CHD4: variants seen among roughly 807,000 people sequenced by gnomAD.
CHD4 encodes the protein chromodomain helicase DNA binding protein 4, also known as ATP-dependent chromatin remodeler CHD4.
A neutral mutation model predicts 235.5 loss-of-function variants in CHD4; 35 were observed. The ratio of observed to expected loss-of-function variants is 0.15; its 90% CI spans 0.11 to 0.20. The LOEUF is 0.20. Among genes scored for constraint, CHD4 ranks in the 10% least tolerant of loss-of-function variants. The pLI, the probability that CHD4 is intolerant of heterozygous loss-of-function variation, is 1.00. For synonymous variants in CHD4, 900 were observed against 850.2 expected, an observed-to-expected ratio of 1.06 and a Z score of -1.02; for missense variants, 1,329 against 2,432.3, an observed-to-expected ratio of 0.55 and a Z score of 9.54.
At chr12:6,594,153 T>C (rs948683564) in intron 15 of CHD4, among the ~76,000 whole-genome samples, 2 of 152,056 alleles carry the variant, frequency 1.3e-5, no homozygotes, top group Non-Finnish European at 2.9e-5. Flanking sequence ...CCATACTAAT[T>C]CTACTCATAA....
rs887048991 is a variant in CHD4 at position 6,570,986 on chromosome 12, C to T, written c.5604G>A (p.Val1868=). 1 of 1,614,146 alleles carries T rather than the reference C, an allele frequency of 6.2e-7. No homozygotes were observed. Among genetic ancestry groups the T allele is most frequent in the African/African-American group, 1.3e-5 (1 of 75,010 alleles). The change falls in exon 39 of 40, where the codon GTG becomes GTA. Residue 1868 remains valine, a synonymous_variant. Transcript: ENST00000544040. ...GGGCAATGGTAGCTGGGAGTCGAGTCACATCAGCTTTCATGTCACTCAGCA... is the reference window on the plus strand; with the variant it reads ...GGGCAATGGTAGCTGGGAGTCGAGTTACATCAGCTTTCATGTCACTCAGCA... The part of the protein sequence containing the change: ...EELLSDMKAD[V]TRLPATIARI...
intron 35 of CHD4, 128 bp from the exon 36 acceptor site, chr12:6,578,265 C>A: frequency 7.3e-7 from 1 of 1,364,606 alleles, no homozygotes. Context: ...TTGCTTCTGG[C>A]TTTCTCCACA....
At chr12:6,574,080 G>A (rs982746043) in intron 37 of CHD4, among the ~76,000 whole-genome samples, 2 of 151,848 alleles carry the variant, frequency 1.3e-5, no homozygotes, top group Non-Finnish European at 2.9e-5. Context: ...TCCTCTTATC[G>A]CCATCTCACT....
At position 6,600,632 on chromosome 12, in the gene CHD4, T is replaced by A. The variant is rs770766385; in HGVS notation, c.965A>T (p.Asp322Val). ...AGAATAGCTATTGATACTGGCATCA[T>A]CGAAGTCAGATTCCACATCTAAGTC... is the stretch of plus-strand genomic sequence containing the variant. ...DDDLDVESDF[D>V]DASINSYSVS... Residue 322 changes from aspartate (D) to valine (V), a missense_variant, in exon 8 of 40, where the codon GAT becomes GTT. Physicochemically the swap from Asp to Val is radical, Grantham distance 152 (BLOSUM62 -3). Around this residue, in one of 26 missense-constraint regions of CHD4, gnomAD observed 160 missense variants for 196.6 expected, o/e 0.81. Transcript: ENST00000544040. The A allele has an allele frequency of 6.2e-7, 1 of 1,614,070 alleles. No homozygotes were observed. The highest frequency in any genetic ancestry group is 8.5e-7 in the Non-Finnish European group (1 of 1,180,004).
Position 6,593,311 on chromosome 12 carries a change from T to C in CHD4, c.2515-83A>G. On this transcript the variant is annotated intron_variant, in intron 16 of 39. Transcript: ENST00000544040. This position sits in a 1 kb window ranked among gnomAD's most constrained non-coding sequence, Gnocchi z 4.9. ...GGAGACTGATGGAATGTTTTCCTCC[T>C]CCCAGGGTTACCCTTTTGCCTCACC... 1 of 1,602,934 alleles carries C rather than the reference T, an allele frequency of 6.2e-7. No homozygotes were observed. Among genetic ancestry groups the C allele is most frequent in the Non-Finnish European group, 8.5e-7 (1 of 1,171,408 alleles).
rs150187989 is a variant in CHD4 at position 6,586,137 on chromosome 12, G to A, written c.3879+1247C>T. ...TATAAGGCCAGGGGCAGTGGCTCAC[G>A]CCTGTAATCCCAGCACTTTGGGAGG... On this transcript the variant is annotated intron_variant, in intron 25 of 39. Transcript: ENST00000544040. Among the ~76,000 whole-genome samples, 1,506 of 151,304 alleles carry A rather than the reference G, an allele frequency of 1.0e-2. 54 individuals are homozygous for A. In the East Asian group the frequency reaches 0.11, roughly 11 times the overall value.
At chr12:6,592,349 G>C in intron 19 of CHD4, 44 bp downstream of exon 19, 1 of 1,537,964 alleles carries the variant, frequency 6.5e-7, no homozygotes. Flanking sequence ...TCTGCAGACT[G>C]GCAGATGTCT....
At position 6,573,046 on chromosome 12, in the gene CHD4, G is replaced by A. The variant is rs576333940; in HGVS notation, c.5557+28C>T. On this transcript the variant is annotated intron_variant, in intron 38 of 39. Coordinates refer to ENST00000544040, the MANE Select transcript of CHD4 (RefSeq NM_001273.5). ...GCAGTCAGATCAGGGAGGCCGAATC[G>A]GCAGGAGGCAGGGGAGCCACTGGCT... 4.0e-5 allele frequency: 64 copies of A among 1,580,268 alleles called. No individual in the cohort carries two copies. The East Asian group carries it at 6.0e-4, about 15-fold the overall frequency.
chr12:6,578,353 GAACCCCAATTTCACATCAGATCCTTCT>G (rs1948108667), intron 35 of CHD4, 29 bp downstream of exon 35: 1 of 1,586,334 alleles, frequency 6.3e-7, no homozygotes, highest in African/African-American at 1.4e-5. Context: ...TTTCTGACAA[GAACCCCAATTTCACATCAGATCCTTCT>G]AACCCTGGTG....
intron 25 of CHD4, chr12:6,583,617 C>G (rs1185898213): frequency 6.5e-6 from 3 of 459,666 alleles, no homozygotes; most frequent in East Asian, 3.3e-5. Context: ...GAGCTATTAT[C>G]ACAGGTAAGG....
chr12:6,580,216 G>T (rs1948154689), intron 33 of CHD4: 1 of 150,500 alleles, frequency 6.6e-6, no homozygotes, highest in African/African-American at 2.5e-5. Flanking sequence ...GACAGAGTGA[G>T]ACTCCATCTC....
chr12:6,585,483 C>T (rs939628142), intron 25 of CHD4, among the ~76,000 whole-genome samples: 13 of 151,838 alleles, frequency 8.6e-5, no homozygotes, highest in African/African-American at 2.7e-4. Flanking sequence ...GGGGTTTCAT[C>T]GTGTTAGCCA....
chr12:6,595,821 G>A (rs1948482791), intron 13 of CHD4, among the ~76,000 whole-genome samples, 185 bp downstream of exon 13: 1 of 151,380 alleles, frequency 6.6e-6, no homozygotes, highest in African/African-American at 2.4e-5. Context: ...AGCTAGGTGT[G>A]GTGGCGTATG....
At chr12:6,578,305 T>G in intron 35 of CHD4, 104 bp downstream of exon 35, 1 of 1,458,046 alleles carries the variant, frequency 6.9e-7, no homozygotes, top group Admixed American at 1.8e-5. Flanking sequence ...CATTCCCTCA[T>G]CAAACAGAGG....
At chr12:6,589,507 G>C (rs12312677) in intron 22 of CHD4, among the ~76,000 whole-genome samples, 4 of 151,976 alleles carry the variant, frequency 2.6e-5, no homozygotes, top group Non-Finnish European at 1.5e-5. Flanking sequence ...GGTGGCTCAC[G>C]CCTGTAATCC....
At chr12:6,599,661 T>C in intron 10 of CHD4, 112 bp downstream of exon 10, 2 of 1,350,046 alleles carry the variant, frequency 1.5e-6, no homozygotes, top group South Asian at 1.3e-5. Context: ...AGAATACCTT[T>C]CTCAGGGCTG....
chr12:6,573,393 GAC>G, intron 37 of CHD4, 124 bp from the exon 38 acceptor site: 1 of 732,322 alleles, frequency 1.4e-6, no homozygotes, highest in Non-Finnish European at 2.0e-6. Flanking sequence ...GAACTTCATG[GAC>G]AGCTCATTCC....
At position 6,601,529 on chromosome 12, in the gene CHD4, G is replaced by A. The variant is rs760392657; in HGVS notation, c.559C>T (p.Pro187Ser). The change falls in exon 6 of 40, where the codon CCC (proline) becomes TCC (serine). Residue 187 changes from proline (P) to serine (S), a missense_variant and splice_region_variant. Physicochemically the swap from Pro to Ser is moderately conservative, Grantham distance 74. Coordinates refer to ENST00000544040, the MANE Select transcript of CHD4 (RefSeq NM_001273.5). ...TTGGGATTTTTGGCAGCAATGAGGGGTCTGGTGGAGAAATGCACAAGAGCA... is the reference window on the plus strand; with the variant it reads ...TTGGGATTTTTGGCAGCAATGAGGGATCTGGTGGAGAAATGCACAAGAGCA... ...NYKAFSQFVR[P>S]LIAAKNPKIA... 1.2e-6 allele frequency: 2 copies of A among 1,614,078 alleles called. No homozygotes were observed. Among genetic ancestry groups the A allele is most frequent in the Non-Finnish European group, 1.7e-6 (2 of 1,180,036 alleles).
intron 31 of CHD4, 25 bp from the exon 32 acceptor site, chr12:6,581,413 A>G (rs769323293): frequency 3.7e-6 from 6 of 1,600,388 alleles, no homozygotes; most frequent in Non-Finnish European, 5.1e-6. Context: ...AAGACAATCA[A>G]TTAGGAAGAA....
Sources: allele counts gnomAD v4.1 joint callset (sites outside exome capture counted in the v4.1 genomes callset), GRCh38; gene constraint gnomAD v4.1.1; regional missense constraint gnomAD v4.1.1; non-coding constraint Gnocchi (gnomAD v3.1); transcripts MANE v1.5; gene names NCBI Gene and HGNC (gene_info 2026-07-23, HGNC 2026-07-21).